The following ARMH1 variants were observed in gnomAD, a reference collection of about 807,000 sequenced individuals.
ARMH1 encodes armadillo like helical domain containing 1.
ARMH1 carries 34 observed loss-of-function variants against 50.2 expected under a neutral mutation model. That is an observed-to-expected ratio of 0.68 (90% CI 0.51 to 0.90). The LOEUF (loss-of-function observed/expected upper bound fraction) is 0.90, where lower values mean the gene tolerates loss of function less well. ARMH1 is among the 40% of genes least tolerant of loss of function. The probability of loss-of-function intolerance (pLI) is 0.00; values close to 1 mark genes in which losing one functional copy is unlikely to be tolerated. For missense variants in ARMH1, 538 were observed against 553.9 expected, an observed-to-expected ratio of 0.97 and a Z score of 0.29; for synonymous variants, 221 against 224.2, an observed-to-expected ratio of 0.99 and a Z score of 0.13.
At chr1:44,719,323 A>G (rs955503915) in intron 6 of ARMH1, among the ~76,000 whole-genome samples, 1 of 152,162 alleles carries the variant, frequency 6.6e-6, no homozygotes, top group Non-Finnish European at 1.5e-5. Context: ...GGCAGAGGAG[A>G]GCAGGATCTG....
At chr1:44,721,815 T>A (rs559323562) in intron 6 of ARMH1, 1 of 152,136 alleles carries the variant, frequency 6.6e-6, no homozygotes, top group Non-Finnish European at 1.5e-5. Context: ...TTCAAAAAAT[T>A]TAACCATAAA....
chr1:44,725,229 A>C lies in ARMH1; in HGVS notation c.1210+12A>C. The C allele has an allele frequency of 3.9e-6, 6 of 1,551,606 alleles. No individual in the cohort carries two copies. Among genetic ancestry groups the C allele is most frequent in the Non-Finnish European group, 5.2e-6 (6 of 1,146,940 alleles). The stretch of plus-strand genomic sequence containing the variant: ...CAATGTTACCAAAGGTGAGTGTGGG[A>C]CGAGGGAAGCCGGGCGCAGGCGCCG... On this transcript the variant is annotated intron_variant, in intron 11 of 11. Transcript: ENST00000535358.
chr1:44,721,121 T>C (rs751495271), intron 6 of ARMH1, among the ~76,000 whole-genome samples: 1 of 151,932 alleles, frequency 6.6e-6, no homozygotes, highest in African/African-American at 2.4e-5. Flanking sequence ...ACCTCTAGCA[T>C]ACATACTTTA....
intron 3 of ARMH1, 87 bp from the exon 4 acceptor site, chr1:44,697,976 A>T: frequency 9.0e-7 from 1 of 1,109,184 alleles, no homozygotes; most frequent in South Asian, 2.1e-5. Flanking sequence ...AAAGTATGTA[A>T]AGAGGGGACC....
intron 1 of ARMH1, among the ~76,000 whole-genome samples, chr1:44,680,411 A>T (rs919737153): frequency 6.6e-6 from 1 of 152,184 alleles, no homozygotes; most frequent in Non-Finnish European, 1.5e-5. Flanking sequence ...TCCTGACCTC[A>T]TGATCCACCG....
chr1:44,707,721 C>G (rs1380173809), intron 6 of ARMH1, among the ~76,000 whole-genome samples: 1 of 152,206 alleles, frequency 6.6e-6, no homozygotes, highest in East Asian at 1.9e-4. Flanking sequence ...TGCACCCAAC[C>G]AAAACAAAAC....
chr1:44,680,529 A>G (rs577537495), intron 1 of ARMH1, among the ~76,000 whole-genome samples: 65 of 152,320 alleles, frequency 4.3e-4, no homozygotes, highest in African/African-American at 1.5e-3. Context: ...TTTATCCAGT[A>G]GGCCACAGTG....
intron 6 of ARMH1, among the ~76,000 whole-genome samples, chr1:44,707,711 T>C (rs1646406907): frequency 6.6e-6 from 1 of 152,220 alleles, no homozygotes. Context: ...CGCAAGCCAC[T>C]GCACCCAACC....
intron 6 of ARMH1, among the ~76,000 whole-genome samples, chr1:44,722,903 CAAAAAAAAAAA>C (rs71036693): frequency 3.5e-5 from 3 of 85,988 alleles, no homozygotes; most frequent in Non-Finnish European, 4.6e-5. Context: ...ACTAAAAATA[CAAAAAAAAAAA>C]AAAAAAAAAA....
intron 6 of ARMH1, among the ~76,000 whole-genome samples, chr1:44,709,197 G>A (rs367667380): frequency 3.3e-5 from 5 of 151,970 alleles, no homozygotes; most frequent in African/African-American, 1.2e-4. Flanking sequence ...TCCTCCCACC[G>A]TCTGGTTTTG....
At chr1:44,722,710 G>A (rs1311464336) in intron 6 of ARMH1, among the ~76,000 whole-genome samples, 1 of 150,984 alleles carries the variant, frequency 6.6e-6, no homozygotes, top group Non-Finnish European at 1.5e-5. Context: ...TCCAGCCTGA[G>A]TGATGACAGT....
chr1:44,701,066 T>C lies in ARMH1; in HGVS notation c.586T>C (p.Cys196Arg). 1 of 1,551,744 alleles carries C rather than the reference T, an allele frequency of 6.4e-7. No homozygotes were observed. Among genetic ancestry groups the C allele is most frequent in the Non-Finnish European group, 8.7e-7 (1 of 1,146,992 alleles). Residue 196 changes from cysteine to arginine, a missense_variant, in exon 5 of 12, where the codon TGC becomes CGC. Coordinates refer to ENST00000535358, the MANE Select transcript of ARMH1 (RefSeq NM_001145636.2). Reference sequence around the variant, plus strand: ...TAAAGGTCTAATAGCTTTGCTGCCCTGCGAGTCCCCAAAAGCCCAGCAGCT... The same window carrying C: ...TAAAGGTCTAATAGCTTTGCTGCCCCGCGAGTCCCCAAAAGCCCAGCAGCT... ...VYKGLIALLP[C>R]ESPKAQQLSL...
chr1:44,704,566 C>G (rs1017613316), intron 6 of ARMH1, among the ~76,000 whole-genome samples: 1 of 151,436 alleles, frequency 6.6e-6, no homozygotes, highest in Non-Finnish European at 1.5e-5. Context: ...GGCTGGAGTG[C>G]AGTGGTACCA....
At chr1:44,680,851 C>T (rs2148570498) in intron 1 of ARMH1, among the ~76,000 whole-genome samples, 1 of 152,242 alleles carries the variant, frequency 6.6e-6, no homozygotes, top group East Asian at 1.9e-4. Context: ...TCTTCCACAG[C>T]CAGTCAGTCA....
At chr1:44,701,507 T>C (rs1035584647) in intron 5 of ARMH1, among the ~76,000 whole-genome samples, 4 of 151,932 alleles carry the variant, frequency 2.6e-5, no homozygotes, top group Non-Finnish European at 5.9e-5. Context: ...TTTTTTTTCT[T>C]GTTGGCTTTT....
chr1:44,702,620 G>A (rs952556222), intron 5 of ARMH1, among the ~76,000 whole-genome samples: 2 of 148,354 alleles, frequency 1.3e-5, no homozygotes, highest in Non-Finnish European at 3.0e-5. Flanking sequence ...GCTGAGGCAG[G>A]AGAATTGCTT....
At chr1:44,697,972 T>G in intron 3 of ARMH1, 91 bp from the exon 4 acceptor site, 2 of 1,034,318 alleles carry the variant, frequency 1.9e-6, no homozygotes, top group African/African-American at 1.6e-5. Context: ...GGGCAAAGTA[T>G]GTAAAGAGGG....
chr1:44,676,094 G>A lies in ARMH1; in HGVS notation c.-23+1221G>A, dbSNP rs988549642. Among the ~76,000 whole-genome samples, 4 of 152,166 alleles carry A rather than the reference G, an allele frequency of 2.6e-5. No homozygotes were observed. In the East Asian group the frequency reaches 5.8e-4, roughly 22 times the overall value. On this transcript the variant is annotated intron_variant, in intron 1 of 11. Coordinates refer to ENST00000535358, the MANE Select transcript of ARMH1 (RefSeq NM_001145636.2). ...TGGAGTGGCAGCTGAAATGGAAAGG[G>A]CAGGATGAATTCCTTAGACACTTAT...
chr1:44,714,372 G>A (rs1216066518), intron 6 of ARMH1, among the ~76,000 whole-genome samples: 1 of 151,436 alleles, frequency 6.6e-6, no homozygotes, highest in Non-Finnish European at 1.5e-5. Context: ...GATCACCTGA[G>A]GTCGGAAGTT....
Sources: gnomAD v4.1 joint callset for allele counts (sites outside exome capture counted in the v4.1 genomes callset) on GRCh38, gnomAD v4.1.1 for gene constraint, MANE v1.5 for transcripts, NCBI Gene and HGNC (gene_info 2026-07-23, HGNC 2026-07-21) for gene names.